The following KIF13B variants were observed in gnomAD, a reference collection of about 807,000 sequenced individuals.
KIF13B encodes the protein kinesin family member 13B, also known as kinesin-like protein KIF13B.
A neutral mutation model predicts 222.0 loss-of-function variants in KIF13B; 127 were observed. That is an observed-to-expected ratio of 0.57 (90% confidence interval 0.50 to 0.66). KIF13B has a LOEUF of 0.66. Among genes scored for constraint, KIF13B ranks in the 30% least tolerant of loss-of-function variants. The pLI is 0.00. For missense variants in KIF13B, 2,173 were observed against 2,379.0 expected, an observed-to-expected ratio of 0.91 and a Z score of 1.80; for synonymous variants, 976 against 919.0, an observed-to-expected ratio of 1.06 and a Z score of -1.12.
intron 9 of KIF13B, among the ~76,000 whole-genome samples, chr8:29,176,949 C>T (rs573652615): frequency 6.6e-6 from 1 of 152,314 alleles, no homozygotes; most frequent in South Asian, 2.1e-4. Context: ...AAAAGCTCAA[C>T]GTGGTTAGTA....
chr8:29,182,078 T>C, intron 6 of KIF13B, 72 bp from the exon 7 acceptor site: 1 of 1,136,470 alleles, frequency 8.8e-7, no homozygotes, highest in South Asian at 1.4e-5. Flanking sequence ...CTCTGCTCCA[T>C]AAAAATATAC....
intron 26 of KIF13B, among the ~76,000 whole-genome samples, chr8:29,125,944 T>C (rs926046886): frequency 1.3e-5 from 2 of 151,820 alleles, no homozygotes; most frequent in Admixed American, 6.6e-5. Context: ...CCGTCTCTAG[T>C]AAAGATACAA....
At chr8:29,233,072 C>T (rs1351373298) in intron 2 of KIF13B, among the ~76,000 whole-genome samples, 1 of 152,214 alleles carries the variant, frequency 6.6e-6, no homozygotes, top group East Asian at 1.9e-4. Context: ...AGGAGAATCA[C>T]TTGAACCCGA....
At chr8:29,121,128 GC>G (rs1396542334) in intron 29 of KIF13B, among the ~76,000 whole-genome samples, 1 of 151,486 alleles carries the variant, frequency 6.6e-6, no homozygotes, top group Non-Finnish European at 1.5e-5. Flanking sequence ...TGGCCATACT[GC>G]CCAAGGTAAT....
intron 13 of KIF13B, among the ~76,000 whole-genome samples, chr8:29,157,518 C>T (rs1327990400): frequency 6.6e-6 from 1 of 151,248 alleles, no homozygotes; most frequent in African/African-American, 2.4e-5. Flanking sequence ...GCCTGGCCAA[C>T]ATGGTGAAAC....
At chr8:29,251,630 GTTAT>G (rs1816288250) in intron 1 of KIF13B, among the ~76,000 whole-genome samples, 1 of 152,102 alleles carries the variant, frequency 6.6e-6, no homozygotes, top group South Asian at 2.1e-4. Flanking sequence ...AAGAGGAGTT[GTTAT>G]TTAATGGAGA....
At chr8:29,257,059 AT>A (rs1455433212) in intron 1 of KIF13B, among the ~76,000 whole-genome samples, 2 of 152,146 alleles carry the variant, frequency 1.3e-5, no homozygotes, top group African/African-American at 2.4e-5. Context: ...CTGGCCTACA[AT>A]TCCTTTTCAA....
chr8:29,241,701 G>A (rs1156787480), intron 2 of KIF13B, among the ~76,000 whole-genome samples: 1 of 124,234 alleles, frequency 8.0e-6, no homozygotes, highest in Non-Finnish European at 1.6e-5. Flanking sequence ...CCGCAGCAAG[G>A]GAGGGAAAAA....
chr8:29,167,354 A>T lies in KIF13B; in HGVS notation c.1158+19T>A. On this transcript the variant is annotated intron_variant, in intron 11 of 39. Transcript: ENST00000524189. ...TCCTCTTCCTGGACTCACAGGGCGC[A>T]CGCGGTGGTGCCTCCTACCTCTGCT... 6.3e-7 allele frequency: 1 copy of T among 1,598,904 alleles called. No individual in the cohort carries two copies. The highest frequency in any genetic ancestry group is 8.6e-7 in the Non-Finnish European group (1 of 1,168,754).
intron 2 of KIF13B, among the ~76,000 whole-genome samples, chr8:29,243,423 G>A (rs1435541623): frequency 4.7e-5 from 7 of 149,584 alleles, no homozygotes; most frequent in Admixed American, 6.6e-5. Flanking sequence ...TTGGGAGGCC[G>A]ACGCAGGCAG....
At position 29,182,107 on chromosome 8, in the gene KIF13B, C is replaced by A. The variant is rs150005446; in HGVS notation, c.498-101G>T. ...AATATACAATGAATCCAAGAAAGAC[C>A]CCAAATAAGTAAAACCAACTGACTT... On this transcript the variant is annotated intron_variant, in intron 6 of 39. Transcript: ENST00000524189. 8.7e-6 allele frequency: 7 copies of A among 808,778 alleles called. No homozygotes were observed. In the African/African-American group the frequency reaches 8.7e-5, roughly 10 times the overall value. The allele number at this position is 808,778 out of a possible 1,614,324, so 50.1% of individuals were successfully genotyped here. A position where few individuals can be genotyped will look rare whatever the true frequency, so the allele number is the denominator to read the frequency against.
intron 38 of KIF13B, among the ~76,000 whole-genome samples, chr8:29,074,335 G>A (rs927238648): frequency 1.3e-5 from 2 of 152,244 alleles, no homozygotes; most frequent in Non-Finnish European, 2.9e-5. Context: ...GGGCAGAGCT[G>A]CAGAGTCAAC....
intron 2 of KIF13B, among the ~76,000 whole-genome samples, chr8:29,215,757 A>G (rs1339745344): frequency 6.6e-6 from 1 of 152,252 alleles, no homozygotes. Context: ...GAAGAAAGCA[A>G]CGGGAATCTT....
intron 10 of KIF13B, among the ~76,000 whole-genome samples, chr8:29,173,845 G>A (rs1812359648): frequency 6.6e-6 from 1 of 151,414 alleles, no homozygotes; most frequent in Admixed American, 6.6e-5. Flanking sequence ...TCGGGAGGCT[G>A]AGGCAGAAGA....
intron 37 of KIF13B, among the ~76,000 whole-genome samples, chr8:29,079,152 CA>C (rs2133495681): frequency 6.6e-6 from 1 of 152,336 alleles, no homozygotes; most frequent in East Asian, 1.9e-4. Flanking sequence ...AGAATTCCCT[CA>C]ATGGACGGCT....
chr8:29,099,207 G>A lies in KIF13B; in HGVS notation c.4250C>T (p.Thr1417Ile), dbSNP rs1808679228. The change falls in exon 36 of 40, where the codon ACC (threonine) becomes ATC (isoleucine). Residue 1417 changes from threonine (T) to isoleucine (I), a missense_variant. Transcript: ENST00000524189. ...RWESQQDVSQ[T>I]TVSRGIAPAP... Reference sequence around the variant, plus strand: ...AGGAGCTATTCCTCTGGAAACTGTGGTTTGGGATACATCCTGCTGACTTTC... The same window carrying A: ...AGGAGCTATTCCTCTGGAAACTGTGATTTGGGATACATCCTGCTGACTTTC... 1.2e-6 allele frequency: 2 copies of A among 1,613,332 alleles called. No individual in the cohort carries two copies. Among genetic ancestry groups the A allele is most frequent in the Non-Finnish European group, 1.7e-6 (2 of 1,179,672 alleles).
intron 1 of KIF13B, among the ~76,000 whole-genome samples, chr8:29,258,673 G>A (rs992393226): frequency 6.6e-6 from 1 of 152,072 alleles, no homozygotes; most frequent in Non-Finnish European, 1.5e-5. Flanking sequence ...CCTCCTCAAA[G>A]AATACATGCC....
In KIF13B at chr8:29,140,520, A is replaced by G. The variant is rs781532057; in HGVS notation, c.2432T>C (p.Phe811Ser). Residue 811 changes from phenylalanine (F) to serine (S), a missense_variant, in exon 20 of 40, where the codon TTC becomes TCC. Physicochemically the swap from Phe to Ser is radical, Grantham distance 155 (BLOSUM62 -2). This residue lies in a region of KIF13B where 1,480 missense variants were observed against 1,722.8 expected (regional missense o/e 0.86). Transcript: ENST00000524189. ...GVANVFLESL[F>S]YDVKLQYAVP... ...AGCGTATTGTAACTTCACATCATAG[A>G]AAAGTGACTCGAGGAAGACATTGGC... The G allele has an allele frequency of 6.2e-7, 1 of 1,613,962 alleles. No homozygotes were observed. The highest frequency in any genetic ancestry group is 1.1e-5 in the South Asian group (1 of 91,074).
chr8:29,202,583 C>T (rs1245072344), intron 2 of KIF13B, among the ~76,000 whole-genome samples: 4 of 152,168 alleles, frequency 2.6e-5, no homozygotes, highest in Non-Finnish European at 4.4e-5. Context: ...TCCCAAAGTG[C>T]TGGGATTATA....
Sources: gnomAD v4.1 joint callset for allele counts (sites outside exome capture counted in the v4.1 genomes callset) on GRCh38, gnomAD v4.1.1 for gene constraint, gnomAD v4.1.1 regional missense constraint, MANE v1.5 for transcripts, NCBI Gene and HGNC (gene_info 2026-07-23, HGNC 2026-07-21) for gene names.